WDPCP: variants seen among roughly 807,000 people sequenced by gnomAD.
The protein encoded by WDPCP is WD repeat-containing and planar cell polarity effector protein fritz homolog.
Under a neutral mutation model 93.1 loss-of-function variants are expected in WDPCP, and 71 were observed. The ratio of observed to expected loss-of-function variants is 0.76; its 90% confidence interval spans 0.63 to 0.93. The LOEUF is 0.93. Among genes scored for constraint, WDPCP ranks in the 40% least tolerant of loss-of-function variants. WDPCP has a pLI of 0.00. For synonymous variants in WDPCP, 315 were observed against 315.0 expected (o/e 1.00, Z 0.00); for missense variants, 844 against 887.4 (o/e 0.95, Z 0.62).
intron 1 of WDPCP, among the ~76,000 whole-genome samples, chr2:63,564,778 C>CTT (rs10713306): frequency 8.2e-5 from 10 of 122,306 alleles, no homozygotes; most frequent in African/African-American, 1.7e-4. Context: ...AAAACTGCAC[C>CTT]TTTTTTTTTT....
Position 63,583,552 on chromosome 2 carries a change from G to A in WDPCP, c.75+4645C>T, listed in dbSNP as rs145062686. ...AAAAATTAGCTGGGTGTGGTGGCAC[G>A]TGCCTGTAGTCCCAGCTACTCAGGA... On this transcript the variant is annotated intron_variant, in intron 1 of 17. Coordinates refer to ENST00000272321, the MANE Select transcript of WDPCP (RefSeq NM_015910.7). Among the ~76,000 whole-genome samples, 595 of 152,062 alleles carry A rather than the reference G, an allele frequency of 3.9e-3. 5 individuals are homozygous for A. The highest frequency in any genetic ancestry group is 0.013 in the African/African-American group (555 of 41,504).
intron 2 of WDPCP, among the ~76,000 whole-genome samples, chr2:63,804,695 C>T (rs538839487): frequency 1.5e-4 from 23 of 151,968 alleles, no homozygotes; most frequent in Admixed American, 2.6e-4. Flanking sequence ...ACTCCCTCTC[C>T]CTCAGGCCTA....
intron 17 of WDPCP, among the ~76,000 whole-genome samples, chr2:63,151,244 C>A (rs1408564387): frequency 6.6e-6 from 1 of 152,102 alleles, no homozygotes; most frequent in Non-Finnish European, 1.5e-5. Context: ...TATTTCAAGA[C>A]AGGGTCTTAC....
At chr2:63,216,442 CA>C (rs1322614679) in intron 14 of WDPCP, among the ~76,000 whole-genome samples, 1 of 152,118 alleles carries the variant, frequency 6.6e-6, no homozygotes, top group Non-Finnish European at 1.5e-5. Flanking sequence ...TCATTCTAAG[CA>C]AACTATCACA....
At chr2:63,244,941 G>A (rs913682993) in intron 14 of WDPCP, among the ~76,000 whole-genome samples, 1 of 152,058 alleles carries the variant, frequency 6.6e-6, no homozygotes, top group African/African-American at 2.4e-5. Flanking sequence ...TTAAAGCATA[G>A]GTTGAGCATC....
Position 63,493,005 on chromosome 2 carries a change from T to A in WDPCP, c.76-65A>T. The A allele has an allele frequency of 2.3e-6, 3 of 1,330,844 alleles. No individual in the cohort carries two copies. The South Asian group carries it at 3.6e-5, about 16-fold the overall frequency. 82.4% of individuals were successfully genotyped at this position (1,330,844 alleles called of 1,614,324 possible). ...TCTTCTATTGCCAATAAAACCAAGA[T>A]ACCTTAGAAATAGTAAAAAGAATCA... On this transcript the variant is annotated intron_variant, in intron 1 of 17. Coordinates refer to ENST00000272321, the MANE Select transcript of WDPCP (RefSeq NM_015910.7).
intron 2 of WDPCP, among the ~76,000 whole-genome samples, chr2:63,689,150 T>C (rs1668854983): frequency 6.6e-6 from 1 of 152,204 alleles, no homozygotes; most frequent in Non-Finnish European, 1.5e-5. Flanking sequence ...CAGGGCTTTG[T>C]GGAAAGTGGC....
chr2:63,216,710 A>T (rs1216865817), intron 14 of WDPCP, among the ~76,000 whole-genome samples: 1 of 152,020 alleles, frequency 6.6e-6, no homozygotes, highest in Non-Finnish European at 1.5e-5. Flanking sequence ...TTAAAGTTTA[A>T]TAAAAAAAAA....
Position 63,662,639 on chromosome 2 carries a change from C to CAGAGAGAG in WDPCP, n.309-11809_309-11802dup, listed in dbSNP as rs3077036. Among the ~76,000 whole-genome samples, 88 of 147,196 alleles carry CAGAGAGAG rather than the reference C, an allele frequency of 6.0e-4. 1 individual carries two copies. The highest frequency in any genetic ancestry group is 8.8e-4 in the Admixed American group (13 of 14,738). On this transcript the variant is annotated intron_variant and non_coding_transcript_variant, in intron 2 of 4. Coordinates refer to the WDPCP transcript ENST00000467687. ...CTGATTATCTGCCCATCATCTCTTC[C>CAGAGAGAG]AGAGAGAGAGAGAGAGAGAGAGAGA...
At position 63,730,683 on chromosome 2, in the gene WDPCP, C is replaced by G. The variant is rs1162263807; in HGVS notation, n.309-79845G>C. Among the ~76,000 whole-genome samples, 8 of 152,058 alleles carry G rather than the reference C, an allele frequency of 5.3e-5. No individual in the cohort carries two copies. The East Asian group carries it at 1.6e-3, about 29-fold the overall frequency. On this transcript the variant is annotated intron_variant and non_coding_transcript_variant, in intron 2 of 4. Transcript: ENST00000467687. ...GCATCCCCAGGAGATATGACATGAT[C>G]ACCGTGGTAAGGCAAAGTTCAATTC...
chr2:63,836,677 G>A, the WDPCP span, among the ~76,000 whole-genome samples: 1 of 152,052 alleles, frequency 6.6e-6, no homozygotes, highest in Non-Finnish European at 1.5e-5. Context: ...TCATCAAAGG[G>A]GCGGACACAA....
intron 3 of WDPCP, among the ~76,000 whole-genome samples, chr2:63,615,925 A>G (rs1303281037): frequency 1.3e-5 from 2 of 152,188 alleles, no homozygotes; most frequent in Non-Finnish European, 2.9e-5. Context: ...TTCTAGCTGG[A>G]AGTTACCTTG....
intron 2 of WDPCP, among the ~76,000 whole-genome samples, chr2:63,671,558 T>C (rs1315477827): frequency 6.6e-6 from 1 of 151,702 alleles, no homozygotes; most frequent in African/African-American, 2.4e-5. Flanking sequence ...ACCTTTGCCT[T>C]TTTTTTTGAC....
At chr2:63,742,961 G>C (rs184365287) in intron 2 of WDPCP, among the ~76,000 whole-genome samples, 1 of 152,082 alleles carries the variant, frequency 6.6e-6, no homozygotes, top group East Asian at 1.9e-4. Context: ...GGAAAGAAGG[G>C]AACTAACATT....
chr2:63,174,531 A>T, intron 15 of WDPCP, 139 bp downstream of exon 15: 1 of 1,028,726 alleles, frequency 9.7e-7, no homozygotes, highest in Non-Finnish European at 1.5e-6. Context: ...TAACCAAACT[A>T]CTGCAAAGTC....
At position 63,775,312 on chromosome 2, in the gene WDPCP, T is replaced by G. The variant is rs796199158; in HGVS notation, n.308+38310A>C. On this transcript the variant is annotated intron_variant and non_coding_transcript_variant, in intron 2 of 4. Coordinates refer to the WDPCP transcript ENST00000467687. ...TGTATTGGCTCTCTGAAAGAATGGC[T>G]TTTATTGAATTGCACCTAATTGTAA... Among the ~76,000 whole-genome samples, 4 of 152,338 alleles carry G rather than the reference T, an allele frequency of 2.6e-5. 1 individual carries two copies. Among genetic ancestry groups the G allele is most frequent in the African/African-American group, 9.6e-5 (4 of 41,584 alleles).
At chr2:63,554,038 C>G (rs1421034859) in intron 1 of WDPCP, among the ~76,000 whole-genome samples, 1 of 152,134 alleles carries the variant, frequency 6.6e-6, no homozygotes. Context: ...ACCATTTAAA[C>G]CAGAGACCAA....
intron 6 of WDPCP, among the ~76,000 whole-genome samples, chr2:63,460,963 G>C (rs1338445506): frequency 6.6e-6 from 1 of 152,096 alleles, no homozygotes; most frequent in Non-Finnish European, 1.5e-5. Context: ...GGAAATACAT[G>C]ATGTTCTAAA....
intron 1 of WDPCP, among the ~76,000 whole-genome samples, chr2:63,585,835 CT>C (rs11309831): frequency 0.61 from 62,419 of 102,970 alleles, 15,904 homozygotes; most frequent in East Asian, 0.83. Flanking sequence ...AAATAATTTT[CT>C]TTTTTTTTTT....
Sources: gnomAD v4.1 joint callset for allele counts (sites outside exome capture counted in the v4.1 genomes callset) on GRCh38, gnomAD v4.1.1 for gene constraint, MANE v1.5 for transcripts, NCBI Gene and HGNC (gene_info 2026-07-23, HGNC 2026-07-21) for gene names.